Variants in TNNI3K observed in about 807,000 individuals in gnomAD.
TNNI3K encodes serine/threonine-protein kinase TNNI3K.
A neutral mutation model predicts 114.5 loss-of-function variants in TNNI3K; 140 were observed. The ratio of observed to expected loss-of-function variants is 1.22; its 90% confidence interval spans 1.07 to 1.41. The LOEUF (loss-of-function observed/expected upper bound fraction) is 1.41, where lower values mean the gene tolerates loss of function less well. TNNI3K is among the 40% of genes most tolerant of loss of function. TNNI3K has a pLI of 0.00. For missense variants in TNNI3K, 1,125 were observed against 1,007.6 expected (o/e 1.12, Z -1.58); for synonymous variants, 347 against 347.5 (o/e 1.00, Z 0.02).
At chr1:74,312,832 A>G (rs1659070986) in intron 5 of TNNI3K, among the ~76,000 whole-genome samples, 2 of 152,198 alleles carry the variant, frequency 1.3e-5, no homozygotes, top group South Asian at 4.1e-4. Context: ...ACGGGAGTTG[A>G]GGGTTGCTGT....
intron 2 of TNNI3K, among the ~76,000 whole-genome samples, chr1:74,238,604 C>T (rs112280207): frequency 4.0e-5 from 6 of 151,818 alleles, no homozygotes; most frequent in African/African-American, 9.7e-5. Flanking sequence ...AGGAAGATGC[C>T]GAAATCTGAA....
intron 2 of TNNI3K, among the ~76,000 whole-genome samples, chr1:74,239,225 G>GA (rs1654038613): frequency 6.6e-6 from 1 of 152,008 alleles, no homozygotes. Flanking sequence ...TAATCTGGGA[G>GA]AAAAAAGTGA....
intron 5 of TNNI3K, among the ~76,000 whole-genome samples, chr1:74,287,491 G>T (rs948584558): frequency 1.3e-5 from 2 of 152,080 alleles, no homozygotes; most frequent in African/African-American, 4.8e-5. Flanking sequence ...ATATATAAGG[G>T]TATAAGAATA....
At chr1:74,534,272 A>G (rs1193619045) in intron 23 of TNNI3K, among the ~76,000 whole-genome samples, 1 of 152,122 alleles carries the variant, frequency 6.6e-6, no homozygotes, top group Non-Finnish European at 1.5e-5. Flanking sequence ...AATTCACCAA[A>G]TCAAAGTTCC....
chr1:74,428,341 T>A (rs755162998), intron 17 of TNNI3K, among the ~76,000 whole-genome samples: 1 of 151,958 alleles, frequency 6.6e-6, no homozygotes, highest in Admixed American at 6.6e-5. Flanking sequence ...GAACCAAGGG[T>A]ATATACGAGG....
intron 17 of TNNI3K, among the ~76,000 whole-genome samples, chr1:74,396,604 C>T (rs768187308): frequency 3.9e-5 from 6 of 152,126 alleles, no homozygotes; most frequent in South Asian, 2.1e-4. Context: ...AGACAGCATC[C>T]GCCCGGGCAA....
intron 23 of TNNI3K, among the ~76,000 whole-genome samples, chr1:74,515,742 G>A (rs186954379): frequency 4.2e-4 from 64 of 152,316 alleles, no homozygotes; most frequent in African/African-American, 1.3e-3. Context: ...ATCTGGCAAT[G>A]ACATTCAAGT....
chr1:74,433,343 C>T (rs1318078414), intron 17 of TNNI3K, among the ~76,000 whole-genome samples: 3 of 152,056 alleles, frequency 2.0e-5, no homozygotes, highest in Non-Finnish European at 4.4e-5. Flanking sequence ...GACTGATTAG[C>T]ACAGGTTCTG....
At chr1:74,280,186 T>C (rs1202614701) in intron 5 of TNNI3K, among the ~76,000 whole-genome samples, 3 of 151,956 alleles carry the variant, frequency 2.0e-5, no homozygotes, top group Non-Finnish European at 4.4e-5. Flanking sequence ...ATCAAGACCA[T>C]CCTGGCTAAC....
At chr1:74,501,749 A>T (rs2100343688) in intron 23 of TNNI3K, among the ~76,000 whole-genome samples, 1 of 152,062 alleles carries the variant, frequency 6.6e-6, no homozygotes, top group South Asian at 2.1e-4. Context: ...GGCCTCCCAA[A>T]GTGCTGGGAT....
At chr1:74,282,298 A>C (rs767686672) in intron 5 of TNNI3K, among the ~76,000 whole-genome samples, 16 of 152,070 alleles carry the variant, frequency 1.1e-4, no homozygotes, top group Non-Finnish European at 1.9e-4. Flanking sequence ...ACAACTATAC[A>C]TTTCTGTACA....
chr1:74,404,860 C>G (rs1664541516), intron 17 of TNNI3K, among the ~76,000 whole-genome samples: 1 of 152,174 alleles, frequency 6.6e-6, no homozygotes, highest in African/African-American at 2.4e-5. Flanking sequence ...AAGGGGCAAC[C>G]AGAGCTCTGT....
intron 23 of TNNI3K, among the ~76,000 whole-genome samples, chr1:74,507,373 C>T (rs796298370): frequency 6.1e-4 from 93 of 152,254 alleles, no homozygotes; most frequent in African/African-American, 1.9e-3. Context: ...GTACAGATCC[C>T]ATCAGAGAAT....
In TNNI3K at chr1:74,387,774, C is replaced by T. The variant is rs569562393; in HGVS notation, c.1772+17382C>T. ...CAATGATTAACAAGTTATTTCTAAACATCAATTTTTTCATTATAAAATAGG... is the reference window on the plus strand; with the variant it reads ...CAATGATTAACAAGTTATTTCTAAATATCAATTTTTTCATTATAAAATAGG... On this transcript the variant is annotated intron_variant, in intron 17 of 24. Coordinates refer to ENST00000326637, the MANE Select transcript of TNNI3K (RefSeq NM_015978.3). Among the ~76,000 whole-genome samples, 12 of 152,280 alleles carry T rather than the reference C, an allele frequency of 7.9e-5. No individual in the cohort carries two copies. In the South Asian group the frequency reaches 2.3e-3, roughly 29 times the overall value.
intron 21 of TNNI3K, chr1:74,469,991 C>T: frequency 2.5e-6 from 1 of 400,710 alleles, no homozygotes; most frequent in Non-Finnish European, 4.4e-6. Context: ...AAAAACACCT[C>T]ATTTTCTGCC....
intron 17 of TNNI3K, among the ~76,000 whole-genome samples, chr1:74,431,734 C>T (rs988016512): frequency 3.9e-5 from 6 of 152,098 alleles, no homozygotes; most frequent in Admixed American, 3.9e-4. Context: ...TCAAAAGGAG[C>T]AATAAAGCCT....
At chr1:74,293,184 T>C (rs1657785069) in intron 5 of TNNI3K, among the ~76,000 whole-genome samples, 1 of 151,744 alleles carries the variant, frequency 6.6e-6, no homozygotes, top group Admixed American at 6.6e-5. Flanking sequence ...TAGATATTAT[T>C]ACTTACATAT....
intron 5 of TNNI3K, among the ~76,000 whole-genome samples, chr1:74,313,175 C>G (rs1659095439): frequency 6.6e-6 from 1 of 152,184 alleles, no homozygotes; most frequent in Non-Finnish European, 1.5e-5. Flanking sequence ...AAATTCAATA[C>G]AGGCATTATC....
At chr1:74,333,002 T>C (rs982743141) in intron 6 of TNNI3K, among the ~76,000 whole-genome samples, 12 of 132,532 alleles carry the variant, frequency 9.1e-5, no homozygotes, top group Admixed American at 8.3e-4. Flanking sequence ...GAAATACAAA[T>C]GTAACTGGAT....
Sources: allele counts gnomAD v4.1 joint callset (sites outside exome capture counted in the v4.1 genomes callset), GRCh38; gene constraint gnomAD v4.1.1; transcripts MANE v1.5; gene names NCBI Gene and HGNC (gene_info 2026-07-23, HGNC 2026-07-21).